The following SFMBT1 variants were observed in gnomAD, a reference collection of about 807,000 sequenced individuals.
SFMBT1 encodes the protein Scm like with four mbt domains 1.
SFMBT1 carries 32 observed loss-of-function variants against 108.7 expected under a neutral mutation model. The observed-to-expected ratio is 0.29, with a 90% CI of 0.22 to 0.40. The LOEUF (loss-of-function observed/expected upper bound fraction) is 0.40, where lower values mean the gene tolerates loss of function less well. SFMBT1 is among the 10% of genes least tolerant of loss of function. SFMBT1 has a pLI of 1.00. For missense variants in SFMBT1, 816 were observed against 1,059.6 expected, an observed-to-expected ratio of 0.77 and a Z score of 3.19; for synonymous variants, 348 against 369.5, an observed-to-expected ratio of 0.94 and a Z score of 0.67.
intron 3 of SFMBT1, among the ~76,000 whole-genome samples, chr3:52,951,835 C>T (rs1321402212): frequency 1.1e-4 from 16 of 152,146 alleles, no homozygotes; most frequent in Non-Finnish European, 1.9e-4. Context: ...CCAGCTTGGG[C>T]GTTAGGGCCA....
chr3:52,994,912 G>A (rs1430816321), intron 1 of SFMBT1, among the ~76,000 whole-genome samples: 1 of 148,240 alleles, frequency 6.7e-6, no homozygotes, highest in Non-Finnish European at 1.5e-5. Flanking sequence ...AAGAAAAAAA[G>A]AGCAAGAAAT....
chr3:53,038,063 C>G lies in SFMBT1; in HGVS notation c.-131+7753G>C, dbSNP rs140846931. Among the ~76,000 whole-genome samples, 1,813 of 152,124 alleles carry G rather than the reference C, an allele frequency of 0.012. 115 individuals are homozygous for G. The South Asian group carries it at 0.17, about 14-fold the overall frequency. On this transcript the variant is annotated intron_variant, in intron 1 of 20. Transcript: ENST00000394752. The stretch of plus-strand genomic sequence containing the variant: ...GAGGCGGAGGTGGCCAAGATTGCAC[C>G]GCTGCACTCCAGCCTGGGCAACAAG...
At chr3:52,912,067 G>A (rs1702229453) in intron 16 of SFMBT1, among the ~76,000 whole-genome samples, 1 of 152,030 alleles carries the variant, frequency 6.6e-6, no homozygotes, top group Non-Finnish European at 1.5e-5. Context: ...TGAAAGAATG[G>A]AAATCTAAAA....
At chr3:52,957,631 T>C (rs1247034151) in intron 2 of SFMBT1, among the ~76,000 whole-genome samples, 2 of 152,124 alleles carry the variant, frequency 1.3e-5, no homozygotes, top group Non-Finnish European at 2.9e-5. Context: ...TGGAACAGAA[T>C]AGAGAACTCA....
chr3:53,045,270 GA>G (rs1268618866), intron 1 of SFMBT1: 3 of 147,792 alleles, frequency 2.0e-5, no homozygotes, highest in African/African-American at 7.4e-5. Flanking sequence ...CGGGCCCTCC[GA>G]AGTTCCGACC....
chr3:52,976,347 G>A (rs995440060), intron 1 of SFMBT1, among the ~76,000 whole-genome samples: 1 of 152,174 alleles, frequency 6.6e-6, no homozygotes, highest in African/African-American at 2.4e-5. Flanking sequence ...TTATGAGAGT[G>A]CAGTTTGTGA....
At chr3:53,011,988 C>T (rs952150528) in intron 1 of SFMBT1, among the ~76,000 whole-genome samples, 2 of 151,510 alleles carry the variant, frequency 1.3e-5, no homozygotes, top group Non-Finnish European at 2.9e-5. Context: ...GGAGAGACCA[C>T]AAAAAAAGAG....
At chr3:53,024,579 A>T (rs1173219898) in intron 1 of SFMBT1, among the ~76,000 whole-genome samples, 1 of 152,240 alleles carries the variant, frequency 6.6e-6, no homozygotes, top group Non-Finnish European at 1.5e-5. Flanking sequence ...TCAACAACAG[A>T]CTGCAAGGGG....
rs2106752683 is a variant in SFMBT1 at position 52,904,184 on chromosome 3, CAG to C, written c.*950_*951del. ...CAAAGTAAAGACCTTAGAAATGAAA[CAG>C]AGGTAGACAAACAACTCTAGAGAAA... On this transcript the variant is annotated 3_prime_UTR_variant, in exon 21 of 21. Transcript: ENST00000394752. The C allele has an allele frequency of 6.6e-6, 1 of 152,284 alleles. No homozygotes were observed. Among genetic ancestry groups the C allele is most frequent in the Non-Finnish European group, 1.5e-5 (1 of 68,022 alleles). 9.4% of individuals were successfully genotyped at this position (152,284 alleles called of 1,614,324 possible).
In SFMBT1 at chr3:53,036,199, C is replaced by A. The variant is rs115542234; in HGVS notation, c.-131+9617G>T. Among the ~76,000 whole-genome samples the A allele has an allele frequency of 8.6e-3, 1,311 of 152,316 alleles. 4 individuals are homozygous for A. The highest frequency in any genetic ancestry group is 0.014 in the Middle Eastern group (4 of 294). ...CCACTGGGAAGGCTGCCCCAAGAGC[C>A]AGCCGCCAGTCCTGCCTGGGAGGAG... On this transcript the variant is annotated intron_variant, in intron 1 of 20. Transcript: ENST00000394752.
intron 12 of SFMBT1, 36 bp downstream of exon 12, chr3:52,920,501 A>G: frequency 6.9e-7 from 1 of 1,456,360 alleles, no homozygotes; most frequent in South Asian, 1.2e-5. Flanking sequence ...AAGATTATTT[A>G]ACAATCAATC....
At chr3:52,921,499 T>G (rs1462572203) in intron 11 of SFMBT1, among the ~76,000 whole-genome samples, 1 of 152,234 alleles carries the variant, frequency 6.6e-6, no homozygotes, top group Admixed American at 6.5e-5. Flanking sequence ...TAAAGAATTT[T>G]TATTCATATT....
At chr3:53,002,197 G>A (rs1435834490) in intron 1 of SFMBT1, among the ~76,000 whole-genome samples, 3 of 149,206 alleles carry the variant, frequency 2.0e-5, no homozygotes, top group South Asian at 2.1e-4. Flanking sequence ...TTAGGAGATC[G>A]AGACCATCCT....
At chr3:52,916,411 C>T (rs1264133021) in intron 13 of SFMBT1, among the ~76,000 whole-genome samples, 197 bp from the exon 14 acceptor site, 15 of 144,812 alleles carry the variant, frequency 1.0e-4, no homozygotes, top group Admixed American at 5.6e-4. Context: ...GTGGCTCACG[C>T]GTAATCCCAG....
At chr3:52,973,391 T>A (rs1454748707) in intron 1 of SFMBT1, among the ~76,000 whole-genome samples, 7 of 151,976 alleles carry the variant, frequency 4.6e-5, no homozygotes, top group African/African-American at 1.7e-4. Flanking sequence ...TTTAAATACT[T>A]CTAAGAAATA....
At chr3:52,965,173 A>G (rs1056778339) in intron 2 of SFMBT1, among the ~76,000 whole-genome samples, 3 of 152,132 alleles carry the variant, frequency 2.0e-5, no homozygotes, top group South Asian at 2.1e-4. Flanking sequence ...CAGCTCAAAA[A>G]TAAAATTTTA....
intron 1 of SFMBT1, among the ~76,000 whole-genome samples, chr3:52,975,051 C>G (rs1035486066): frequency 1.3e-5 from 2 of 151,112 alleles, no homozygotes; most frequent in Non-Finnish European, 2.9e-5. Flanking sequence ...ATTTTATAAA[C>G]CCAACACAGG....
At chr3:52,992,940 A>G (rs1404811053) in intron 1 of SFMBT1, among the ~76,000 whole-genome samples, 2 of 152,186 alleles carry the variant, frequency 1.3e-5, no homozygotes, top group Non-Finnish European at 2.9e-5. Context: ...TTCTGTCTGA[A>G]TGAAACTGAT....
At chr3:52,976,175 G>C (rs574353683) in intron 1 of SFMBT1, among the ~76,000 whole-genome samples, 4 of 152,292 alleles carry the variant, frequency 2.6e-5, no homozygotes, top group African/African-American at 9.6e-5. Flanking sequence ...GCCAAGACAG[G>C]AGGATCACTT....
Sources: gnomAD v4.1 joint callset for allele counts (sites outside exome capture counted in the v4.1 genomes callset) on GRCh38, gnomAD v4.1.1 for gene constraint, MANE v1.5 for transcripts, NCBI Gene and HGNC (gene_info 2026-07-23, HGNC 2026-07-21) for gene names.